Variants in PCDHGA1 observed in about 807,000 individuals in gnomAD.
PCDHGA1 encodes protocadherin gamma subfamily A, 1, also known as protocadherin gamma-A1.
PCDHGA1 carries 32 observed loss-of-function variants against 58.0 expected under a neutral mutation model. The observed-to-expected ratio is 0.55, with a 90% CI of 0.42 to 0.74. The LOEUF (loss-of-function observed/expected upper bound fraction) is 0.74, where lower values mean the gene tolerates loss of function less well. Among genes scored for constraint, PCDHGA1 ranks in the 30% least tolerant of loss-of-function variants. The pLI, the probability that PCDHGA1 is intolerant of heterozygous loss-of-function variation, is 0.00. For synonymous variants in PCDHGA1, 498 were observed against 501.1 expected (o/e 0.99, Z 0.08); for missense variants, 1,205 against 1,182.3 (o/e 1.02, Z -0.28).
chr5:141,360,408 C>A (rs2149814524), intron 1 of PCDHGA1: 1 of 1,613,870 alleles, frequency 6.2e-7, no homozygotes, highest in Non-Finnish European at 8.5e-7. Context: ...ACAGAATAGA[C>A]CGAGAACAGA....
chr5:141,365,396 A>G lies in PCDHGA1; in HGVS notation c.2421+32291A>G, dbSNP rs554930491. ...GATCCTCACCTCTCTGACCAGTTCG[A>G]TCTCTGAAGACTGTCTTCCCGGAAC... On this transcript the variant is annotated intron_variant, in intron 1 of 3. Coordinates refer to ENST00000517417, the MANE Select transcript of PCDHGA1 (RefSeq NM_018912.3). The G allele has an allele frequency of 3.7e-6, 6 of 1,613,940 alleles. No individual in the cohort carries two copies. The Admixed American group carries it at 1.0e-4, about 27-fold the overall frequency.
Position 141,477,202 on chromosome 5 carries a change from C to G in PCDHGA1, c.2422-17605C>G. 1 of 1,614,182 alleles carries G rather than the reference C, an allele frequency of 6.2e-7. No homozygotes were observed. The highest frequency in any genetic ancestry group is 1.1e-5 in the South Asian group (1 of 91,074). On this transcript the variant is annotated intron_variant, in intron 1 of 3. Transcript: ENST00000517417. This position sits in a 1 kb window ranked among gnomAD's most constrained non-coding sequence, Gnocchi z 4.9. ...TCACCTCCGTGTACAGCCCAGTACC[C>G]GAGGATGCCCCTCTGGGGACTGTCA...
intron 2 of PCDHGA1, among the ~76,000 whole-genome samples, chr5:141,502,194 T>C (rs1470985683): frequency 2.6e-5 from 4 of 152,212 alleles, no homozygotes; most frequent in Non-Finnish European, 4.4e-5. Flanking sequence ...TACAATAATA[T>C]AGAATCCACC....
At chr5:141,469,951 T>G (rs1467717372) in intron 1 of PCDHGA1, among the ~76,000 whole-genome samples, 2 of 152,034 alleles carry the variant, frequency 1.3e-5, no homozygotes, top group African/African-American at 4.8e-5. Context: ...GCCAGCATGG[T>G]GAAACCCCAT....
Position 141,357,576 on chromosome 5 carries a change from G to A in PCDHGA1, c.2421+24471G>A, listed in dbSNP as rs781394563. ...GTTGTGAGAAAAGCGAGCCTCTTCT[G>A]ATAACTCAGGATTTACTTGAAACAA... On this transcript the variant is annotated intron_variant, in intron 1 of 3. Coordinates refer to ENST00000517417, the MANE Select transcript of PCDHGA1 (RefSeq NM_018912.3). 3.1e-6 allele frequency: 5 copies of A among 1,614,056 alleles called. No homozygotes were observed. The African/African-American group carries it at 5.3e-5, about 17-fold the overall frequency.
rs779735897 is a variant in PCDHGA1 at position 141,422,336 on chromosome 5, TA to T, written c.2422-72468del. 34 of 1,550,032 alleles carry T rather than the reference TA, an allele frequency of 2.2e-5. No individual in the cohort carries two copies. The East Asian group carries it at 7.2e-4, about 33-fold the overall frequency. On this transcript the variant is annotated intron_variant, in intron 1 of 3. Coordinates refer to ENST00000517417, the MANE Select transcript of PCDHGA1 (RefSeq NM_018912.3). ...CCTCCAGGTACAGTGATTGCTCTTC[TA>T]AATGTGCAAGATCAAGATTCTGGAG... is the stretch of plus-strand genomic sequence containing the variant.
At chr5:141,394,419 G>C in intron 1 of PCDHGA1, 1 of 1,614,224 alleles carries the variant, frequency 6.2e-7, no homozygotes, top group East Asian at 2.2e-5. Context: ...AACAGCCAGC[G>C]ACAGCGGGGA....
chr5:141,350,265 A>G (rs1300733532), intron 1 of PCDHGA1: 2 of 1,510,306 alleles, frequency 1.3e-6, no homozygotes, highest in Admixed American at 2.3e-5. Context: ...CCTGAAATGC[A>G]GAGAGCCAGA....
At chr5:141,497,143 GA>G (rs928640875) in intron 2 of PCDHGA1, among the ~76,000 whole-genome samples, 7 of 149,992 alleles carry the variant, frequency 4.7e-5, no homozygotes, top group African/African-American at 9.8e-5. Context: ...CTGAGATCAC[GA>G]AAAAAAAATA....
At chr5:141,341,622 A>G (rs1029064647) in intron 1 of PCDHGA1, 20 of 875,612 alleles carry the variant, frequency 2.3e-5, no homozygotes, top group Non-Finnish European at 3.1e-5. Context: ...GAGTTAATAG[A>G]TAAGATTATC....
chr5:141,462,414 T>C (rs549473269), intron 1 of PCDHGA1, among the ~76,000 whole-genome samples: 1 of 152,360 alleles, frequency 6.6e-6, no homozygotes, highest in Non-Finnish European at 1.5e-5. Flanking sequence ...CAGAATATGG[T>C]CTATCTTGGT....
In PCDHGA1 at chr5:141,395,537, A is replaced by ATTGTTTGT. The variant is rs1179408656; in HGVS notation, c.2421+62433_2421+62440dup. On this transcript the variant is annotated intron_variant, in intron 1 of 3. Coordinates refer to ENST00000517417, the MANE Select transcript of PCDHGA1 (RefSeq NM_018912.3). Reference sequence around the variant, plus strand: ...ACCCGTCCATACTGGTAATTTTGCTATTGTTTGTGTGTGTGTGTGTGTGTG... The same window carrying ATTGTTTGT: ...ACCCGTCCATACTGGTAATTTTGCTATTGTTTGTTTGTTTGTGTGTGTGTGTGTGTGTG... 12 of 243,932 alleles carry ATTGTTTGT rather than the reference A, an allele frequency of 4.9e-5. No individual in the cohort carries two copies. In the African/African-American group the frequency reaches 6.6e-4, roughly 13 times the overall value. 15.1% of individuals were successfully genotyped at this position (243,932 alleles called of 1,614,324 possible).
At chr5:141,370,362 CGGATTTA>C in intron 1 of PCDHGA1, 2 of 1,517,790 alleles carry the variant, frequency 1.3e-6, no homozygotes, top group Non-Finnish European at 1.8e-6. Flanking sequence ...CTCCTCTCCT[CGGATTTA>C]GAAAGGCAAA....
At chr5:141,498,947 AAAAG>A (rs1475471777) in intron 2 of PCDHGA1, among the ~76,000 whole-genome samples, 1 of 145,446 alleles carries the variant, frequency 6.9e-6, no homozygotes, top group African/African-American at 2.6e-5. Context: ...GAAAGAAAGA[AAAAG>A]AGAGAGAGGG....
Position 141,331,435 on chromosome 5 carries a change from G to A in PCDHGA1, c.751G>A (p.Val251Ile). 1 of 1,614,136 alleles carries A rather than the reference G, an allele frequency of 6.2e-7. No homozygotes were observed. The highest frequency in any genetic ancestry group is 8.5e-7 in the Non-Finnish European group (1 of 1,180,030). ...AFTQAQYHIN[V>I]PENVPLGTQL... ...TACTCAGGCACAATACCATATAAAT[G>A]TCCCCGAAAACGTGCCGCTGGGTAC... Residue 251 changes from valine (V) to isoleucine (I), a missense_variant, in exon 1 of 4, where the codon GTC becomes ATC. Val to Ile is a conservative substitution (Grantham distance 29). Transcript: ENST00000517417.
At chr5:141,452,538 G>T (rs1330051133) in intron 1 of PCDHGA1, among the ~76,000 whole-genome samples, 1 of 152,148 alleles carries the variant, frequency 6.6e-6, no homozygotes, top group Non-Finnish European at 1.5e-5. Flanking sequence ...AGTTCATATT[G>T]ATACCTCCAG....
intron 1 of PCDHGA1, chr5:141,364,858 G>A (rs199575653): frequency 5.2e-5 from 84 of 1,613,888 alleles, no homozygotes; most frequent in Admixed American, 5.0e-4. Flanking sequence ...GCTCCAATCT[G>A]CACTTCTCTC....
intron 1 of PCDHGA1, among the ~76,000 whole-genome samples, chr5:141,369,471 A>G (rs1182179165): frequency 6.6e-6 from 1 of 152,168 alleles, no homozygotes; most frequent in African/African-American, 2.4e-5. Context: ...GTTCTAGCCC[A>G]GCCTGGGCAA....
In PCDHGA1 at chr5:141,344,217, C is replaced by T. The variant is rs772663259; in HGVS notation, c.2421+11112C>T. 1.2e-5 allele frequency: 20 copies of T among 1,613,872 alleles called. 1 individual carries two copies. The South Asian group carries it at 2.1e-4, about 17-fold the overall frequency. ...GCTAGAGCCCCGGGAGCTGGCGGAG[C>T]GCGGAGTCCGCATCGTCTCCAGAGG... On this transcript the variant is annotated intron_variant, in intron 1 of 3. Transcript: ENST00000517417.
Sources: gnomAD v4.1 joint callset for allele counts (sites outside exome capture counted in the v4.1 genomes callset) on GRCh38, gnomAD v4.1.1 for gene constraint, Gnocchi (gnomAD v3.1) non-coding constraint, MANE v1.5 for transcripts, NCBI Gene and HGNC (gene_info 2026-07-23, HGNC 2026-07-21) for gene names.